Variants in ZNF146 observed in about 807,000 individuals in gnomAD.
ZNF146 encodes zinc finger protein OZF.
In ZNF146, 9 loss-of-function variants were observed where a neutral mutation model predicts 22.2. That is an observed-to-expected ratio of 0.41 (90% CI 0.24 to 0.71). The LOEUF (loss-of-function observed/expected upper bound fraction) is 0.71, where lower values mean the gene tolerates loss of function less well. Among genes scored for constraint, ZNF146 ranks in the 30% least tolerant of loss-of-function variants. The pLI is 0.34. For missense variants in ZNF146, 194 were observed against 344.8 expected (o/e 0.56, Z 3.46); for synonymous variants, 108 against 119.2 (o/e 0.91, Z 0.61).
At chr19:36,221,446 G>A (rs1246550974) in intron 2 of ZNF146, among the ~76,000 whole-genome samples, 2 of 151,860 alleles carry the variant, frequency 1.3e-5, no homozygotes, top group African/African-American at 2.4e-5. Context: ...CAGCCACCAC[G>A]CCCGGCTAAT....
At chr19:36,216,867 A>ATCCAAGCACTTTAGGTG (rs143459636) in intron 1 of ZNF146, among the ~76,000 whole-genome samples, 173 of 150,910 alleles carry the variant, frequency 1.1e-3, no homozygotes, top group Middle Eastern at 3.4e-3. Context: ...CACACCTGTG[A>ATCCAAGCACTTTAGGTG]GCCAAGGCAG....
At chr19:36,220,015 C>T (rs993806223) in intron 2 of ZNF146, among the ~76,000 whole-genome samples, 1 of 152,144 alleles carries the variant, frequency 6.6e-6, no homozygotes, top group Admixed American at 6.5e-5. Flanking sequence ...CTTTTTGATG[C>T]CAGTGGATAC....
upstream of ZNF146, chr19:36,214,832 G>C (rs1209976735): frequency 6.6e-6 from 1 of 152,628 alleles, no homozygotes; most frequent in Admixed American, 6.6e-5. Flanking sequence ...AGAGGGCGTC[G>C]CCACTCCAGA....
rs1248511675 is a variant in ZNF146 at position 36,237,574 on chromosome 19, C to T, written c.*255C>T. ...GGCACATTTTCACTAAAAGTGGGAACAGAAAATGGAGGCCTGTTTTTTATT... is the reference window on the plus strand; with the variant it reads ...GGCACATTTTCACTAAAAGTGGGAATAGAAAATGGAGGCCTGTTTTTTATT... On this transcript the variant is annotated 3_prime_UTR_variant, in exon 4 of 4. Coordinates refer to ENST00000443387, the MANE Select transcript of ZNF146 (RefSeq NM_007145.3). The T allele has an allele frequency of 6.2e-6, 2 of 321,518 alleles. No homozygotes were observed. Among genetic ancestry groups the T allele is most frequent in the Non-Finnish European group, 1.2e-5 (2 of 169,622 alleles). The allele number at this position is 321,518 out of a possible 1,614,324, so 19.9% of individuals were successfully genotyped here.
Position 36,237,185 on chromosome 19 carries a change from TTCTC to T in ZNF146, c.748_751del (p.Gln251SerfsTer8), listed in dbSNP as rs750858591. Reference sequence around the variant, plus strand: ...TGGTTGTAATGAATGTGGGAAAGCTTTCTCTCAGTTCTCAACCCTTGCTCTGCAT... The same window carrying T: ...TGGTTGTAATGAATGTGGGAAAGCTTTCAGTTCTCAACCCTTGCTCTGCAT... On this transcript the variant is annotated frameshift_variant, in exon 4 of 4. Coordinates refer to ENST00000443387, the MANE Select transcript of ZNF146 (RefSeq NM_007145.3). LOFTEE classifies it high-confidence loss of function. 6.2e-7 allele frequency: 1 copy of T among 1,614,160 alleles called. No individual in the cohort carries two copies. The highest frequency in any genetic ancestry group is 8.5e-7 in the Non-Finnish European group (1 of 1,179,994).
chr19:36,227,355 C>G (rs573507770), intron 2 of ZNF146, among the ~76,000 whole-genome samples: 1 of 149,834 alleles, frequency 6.7e-6, no homozygotes, highest in Non-Finnish European at 1.5e-5. Flanking sequence ...CGTCACTGCA[C>G]TCCCAGCCTG....
chr19:36,216,211 T>C (rs1976598557), intron 1 of ZNF146, among the ~76,000 whole-genome samples: 1 of 152,166 alleles, frequency 6.6e-6, no homozygotes, highest in East Asian at 1.9e-4. Context: ...GATAAAGTAT[T>C]GTGGAAGAAA....
intron 3 of ZNF146, among the ~76,000 whole-genome samples, chr19:36,235,331 C>A (rs556305048): frequency 1.3e-5 from 2 of 152,084 alleles, no homozygotes; most frequent in South Asian, 2.1e-4. Context: ...ATACAACTTG[C>A]TAAATTCTGA....
chr19:36,225,862 G>A (rs1977045608), intron 2 of ZNF146, among the ~76,000 whole-genome samples: 1 of 147,590 alleles, frequency 6.8e-6, no homozygotes, highest in South Asian at 2.2e-4. Context: ...CCAGGCTTAA[G>A]CAGTCCTCCT....
At chr19:36,224,475 G>C (rs1218515700) in intron 2 of ZNF146, among the ~76,000 whole-genome samples, 1 of 152,158 alleles carries the variant, frequency 6.6e-6, no homozygotes, top group African/African-American at 2.4e-5. Flanking sequence ...CTGTTTCTGG[G>C]TGTGAGCAGA....
Position 36,237,413 on chromosome 19 carries a change from C to T in ZNF146, c.*94C>T, listed in dbSNP as rs1977684500. ...ATAATCCTTCTGAAGCAAAGCACCA[C>T]GAATGAGGTTAACTTTAACAAGTAC... is the stretch of plus-strand genomic sequence containing the variant. On this transcript the variant is annotated 3_prime_UTR_variant, in exon 4 of 4. Transcript: ENST00000443387. The T allele has an allele frequency of 1.0e-5, 15 of 1,436,800 alleles. No individual in the cohort carries two copies. The East Asian group carries it at 1.2e-4, about 11-fold the overall frequency. 89.0% of individuals were successfully genotyped at this position (1,436,800 alleles called of 1,614,324 possible).
At position 36,236,871 on chromosome 19, in the gene ZNF146, C is replaced by G. The variant is rs1977662224; in HGVS notation, c.431C>G (p.Thr144Ser). The change falls in exon 4 of 4, where the codon ACT becomes AGT. Residue 144 changes from threonine (T) to serine (S), a missense_variant. Coordinates refer to ENST00000443387, the MANE Select transcript of ZNF146 (RefSeq NM_007145.3). ...ACCTTCAGTGGCAAATCCAACCTTA[C>G]TGAGCATGAGAAAATCCATATTGGA... ...GKTFSGKSNL[T>S]EHEKIHIGEK... 1 of 1,614,028 alleles carries G rather than the reference C, an allele frequency of 6.2e-7. No individual in the cohort carries two copies. The highest frequency in any genetic ancestry group is 1.1e-5 in the South Asian group (1 of 91,076).
intron 2 of ZNF146, among the ~76,000 whole-genome samples, chr19:36,219,024 G>A (rs1976730587): frequency 6.6e-6 from 1 of 151,172 alleles, no homozygotes; most frequent in Admixed American, 6.6e-5. Context: ...TAGCCAGGAT[G>A]GTCTCCATCT....
At chr19:36,229,948 A>G (rs1013718499) in intron 3 of ZNF146, among the ~76,000 whole-genome samples, 5 of 152,126 alleles carry the variant, frequency 3.3e-5, no homozygotes, top group African/African-American at 9.7e-5. Flanking sequence ...TCCAACTCCT[A>G]TCCTCAAGTG....
intron 3 of ZNF146, among the ~76,000 whole-genome samples, chr19:36,233,374 C>T (rs1347455453): frequency 1.3e-5 from 2 of 152,088 alleles, no homozygotes; most frequent in Admixed American, 1.3e-4. Flanking sequence ...GGTTTCCCCT[C>T]CACAGCTGTG....
intron 3 of ZNF146, among the ~76,000 whole-genome samples, chr19:36,231,362 A>G (rs541654494): frequency 1.4e-4 from 22 of 152,086 alleles, no homozygotes; most frequent in African/African-American, 5.3e-4. Context: ...GGTGCCCACC[A>G]CCACACCCGG....
At chr19:36,226,073 G>A (rs1977054629) in intron 2 of ZNF146, among the ~76,000 whole-genome samples, 1 of 152,050 alleles carries the variant, frequency 6.6e-6, no homozygotes, top group Admixed American at 6.6e-5. Context: ...TCCAGCCCAC[G>A]GTAACATTTC....
Position 36,236,323 on chromosome 19 carries a change from A to G in ZNF146, c.-118A>G. ...ACTCTGCATTTGGGAGATCATACAC[A>G]GAGAAGCCTTATAAATGTAAGAGAT... On this transcript the variant is annotated 5_prime_UTR_variant, in exon 4 of 4. Coordinates refer to ENST00000443387, the MANE Select transcript of ZNF146 (RefSeq NM_007145.3). 1 of 1,239,104 alleles carries G rather than the reference A, an allele frequency of 8.1e-7. No individual in the cohort carries two copies. The highest frequency in any genetic ancestry group is 1.1e-6 in the Non-Finnish European group (1 of 901,704). 76.8% of individuals were successfully genotyped at this position (1,239,104 alleles called of 1,614,324 possible). A position where few individuals can be genotyped will look rare whatever the true frequency, so the allele number is the denominator to read the frequency against.
At chr19:36,230,634 G>C (rs1977295544) in intron 3 of ZNF146, among the ~76,000 whole-genome samples, 1 of 152,162 alleles carries the variant, frequency 6.6e-6, no homozygotes, top group Non-Finnish European at 1.5e-5. Context: ...CCTAAGTCAG[G>C]AGAAGCTTGC....
Sources: gnomAD v4.1 joint callset for allele counts (sites outside exome capture counted in the v4.1 genomes callset) on GRCh38, gnomAD v4.1.1 for gene constraint, MANE v1.5 for transcripts, NCBI Gene and HGNC (gene_info 2026-07-23, HGNC 2026-07-21) for gene names.